AP2B1: variants seen among roughly 807,000 people sequenced by gnomAD.
The protein encoded by AP2B1 is AP-2 complex subunit beta.
A neutral mutation model predicts 102.0 loss-of-function variants in AP2B1; 23 were observed. That is an observed-to-expected ratio of 0.23 (90% CI 0.16 to 0.32). The LOEUF (loss-of-function observed/expected upper bound fraction) is 0.32. Ranked by LOEUF, AP2B1 falls within the 10% of genes least tolerant of loss-of-function variation. The pLI, the probability that AP2B1 is intolerant of heterozygous loss-of-function variation, is 1.00. For missense variants in AP2B1, 541 were observed against 1,157.4 expected, an observed-to-expected ratio of 0.47 and a Z score of 7.73; for synonymous variants, 381 against 421.2, an observed-to-expected ratio of 0.90 and a Z score of 1.17.
intron 17 of AP2B1, among the ~76,000 whole-genome samples, chr17:35,682,052 C>T (rs587671684): frequency 4.8e-4 from 73 of 152,086 alleles, no homozygotes; most frequent in African/African-American, 1.6e-3. Context: ...CTCAGGAGTT[C>T]GAGACCAGCC....
intron 4 of AP2B1, 148 bp downstream of exon 4, chr17:35,605,988 A>C (rs2073661070): frequency 7.6e-7 from 1 of 1,310,408 alleles, no homozygotes; most frequent in Non-Finnish European, 1.0e-6. Flanking sequence ...CATCCAGGGA[A>C]ATTCAAACCA....
At chr17:35,694,229 A>C (rs1235851368) in intron 18 of AP2B1, among the ~76,000 whole-genome samples, 1 of 152,048 alleles carries the variant, frequency 6.6e-6, no homozygotes, top group Non-Finnish European at 1.5e-5. Context: ...GATTCAATAC[A>C]GTATGTATTA....
intron 13 of AP2B1, 172 bp downstream of exon 13, chr17:35,650,961 C>A: frequency 1.5e-6 from 1 of 657,762 alleles, no homozygotes; most frequent in Non-Finnish European, 2.5e-6. Context: ...TACTATACAA[C>A]CCCAGGGAGC....
rs191654269 is a variant in AP2B1 at position 35,643,952 on chromosome 17, A to G, written c.1536+1977A>G. Reference sequence around the variant, plus strand: ...TTGAAACCTTAGAATCACATTTAACAATCTCCCATGGAAACTATGTAGGCC... The same window carrying G: ...TTGAAACCTTAGAATCACATTTAACGATCTCCCATGGAAACTATGTAGGCC... On this transcript the variant is annotated intron_variant, in intron 12 of 21. Coordinates refer to ENST00000610402, the MANE Select transcript of AP2B1 (RefSeq NM_001030006.2). 6.6e-5 allele frequency among the ~76,000 whole-genome samples: 10 copies of G among 152,308 alleles called. No homozygotes were observed. The East Asian group carries it at 1.5e-3, about 24-fold the overall frequency.
intron 9 of AP2B1, among the ~76,000 whole-genome samples, chr17:35,634,221 G>A (rs2074542581): frequency 6.6e-6 from 1 of 152,212 alleles, no homozygotes; most frequent in Non-Finnish European, 1.5e-5. Flanking sequence ...AGGTATTGAA[G>A]AAACTAGGTC....
In AP2B1 at chr17:35,724,105, T is replaced by G. The variant is rs11653803; in HGVS notation, c.*406T>G. The G allele has an allele frequency of 0.035, 6,087 of 175,494 alleles. 149 individuals are homozygous for G. Among genetic ancestry groups the G allele is most frequent in the Non-Finnish European group, 0.05 (4,068 of 80,684 alleles). The allele number at this position is 175,494 out of a possible 1,614,324, so 10.9% of individuals were successfully genotyped here. On this transcript the variant is annotated 3_prime_UTR_variant, in exon 22 of 22. Transcript: ENST00000610402. ...GTAACTGAAACACTGCACTTTACTG[T>G]TTTATACTTTTGTACATATGAGAAA...
At chr17:35,717,384 G>GA in intron 21 of AP2B1, 35 bp downstream of exon 21, 1 of 1,612,124 alleles carries the variant, frequency 6.2e-7, no homozygotes, top group Non-Finnish European at 8.5e-7. Context: ...AGATGGATTA[G>GA]AGGAGGGAGG....
intron 16 of AP2B1, 107 bp downstream of exon 16, chr17:35,672,007 C>A: frequency 7.5e-7 from 1 of 1,329,220 alleles, no homozygotes. Context: ...AAGGTTTGGG[C>A]CCTTGTTCTG....
chr17:35,687,101 T>C (rs1421841516), intron 18 of AP2B1, among the ~76,000 whole-genome samples: 1 of 152,138 alleles, frequency 6.6e-6, no homozygotes, highest in Admixed American at 6.5e-5. Context: ...CATGCTCATA[T>C]TGGGACTCCT....
intron 13 of AP2B1, among the ~76,000 whole-genome samples, chr17:35,653,080 CTTGG>C (rs2075129418): frequency 6.6e-6 from 1 of 152,062 alleles, no homozygotes; most frequent in African/African-American, 2.4e-5. Context: ...GATTATTAAT[CTTGG>C]TTGTATCAAA....
At chr17:35,620,706 A>G (rs1318923060) in intron 5 of AP2B1, among the ~76,000 whole-genome samples, 1 of 152,070 alleles carries the variant, frequency 6.6e-6, no homozygotes, top group Non-Finnish European at 1.5e-5. Context: ...AGTCCTGGCT[A>G]CTCAGGAGGC....
rs574818300 is a variant in AP2B1 at position 35,614,277 on chromosome 17, A to G, written c.525+5890A>G. Among the ~76,000 whole-genome samples the G allele has an allele frequency of 3.9e-5, 6 of 152,262 alleles. No individual in the cohort carries two copies. In the South Asian group the frequency reaches 6.2e-4, roughly 16 times the overall value. ...CAATGGCTTGATCATAGCTCAGTGC[A>G]GCCTCAAACTCCTGGGCTCAAACAG... On this transcript the variant is annotated intron_variant, in intron 5 of 21. Coordinates refer to ENST00000610402, the MANE Select transcript of AP2B1 (RefSeq NM_001030006.2).
chr17:35,653,324 C>T (rs1465146075), intron 13 of AP2B1, among the ~76,000 whole-genome samples: 1 of 152,278 alleles, frequency 6.6e-6, no homozygotes, highest in Non-Finnish European at 1.5e-5. Context: ...ATGGAGCCAA[C>T]ACTTAATCCC....
intron 5 of AP2B1, among the ~76,000 whole-genome samples, chr17:35,612,570 G>A (rs2073894315): frequency 6.6e-6 from 1 of 152,140 alleles, no homozygotes; most frequent in South Asian, 2.1e-4. Context: ...ATGCACAGTG[G>A]TAGATGCTTT....
chr17:35,633,964 C>T (rs1007511683), intron 9 of AP2B1, among the ~76,000 whole-genome samples: 3 of 152,050 alleles, frequency 2.0e-5, no homozygotes, highest in Non-Finnish European at 2.9e-5. Flanking sequence ...CTGGCCAACA[C>T]GGTGAAACCC....
chr17:35,647,166 T>C (rs935507562), intron 12 of AP2B1, among the ~76,000 whole-genome samples: 3 of 152,314 alleles, frequency 2.0e-5, no homozygotes, highest in South Asian at 2.1e-4. Context: ...GGACTGCATA[T>C]ATAGGTTAAA....
At chr17:35,664,422 G>A (rs1379254444) in intron 14 of AP2B1, among the ~76,000 whole-genome samples, 1 of 151,928 alleles carries the variant, frequency 6.6e-6, no homozygotes, top group African/African-American at 2.4e-5. Context: ...ATGGCTAATG[G>A]GTGTTCATTT....
At chr17:35,659,957 GGAA>G (rs2075321204) in intron 14 of AP2B1, 2 of 985,362 alleles carry the variant, frequency 2.0e-6, no homozygotes, top group Non-Finnish European at 2.4e-6. Context: ...TTGCCTGTGT[GGAA>G]GAAGATGAGT....
chr17:35,711,194 T>G (rs1403672360), intron 20 of AP2B1, among the ~76,000 whole-genome samples: 1 of 152,166 alleles, frequency 6.6e-6, no homozygotes, highest in Admixed American at 6.5e-5. Flanking sequence ...TTTAGAGCTC[T>G]TTCTTTCTCT....
Sources: gnomAD v4.1 joint callset for allele counts (sites outside exome capture counted in the v4.1 genomes callset) on GRCh38, gnomAD v4.1.1 for gene constraint, MANE v1.5 for transcripts, NCBI Gene and HGNC (gene_info 2026-07-23, HGNC 2026-07-21) for gene names.